Variants in ASCC1 observed in about 807,000 individuals in gnomAD.
ASCC1 encodes ASC-1 complex subunit P50.
ASCC1 carries 35 observed loss-of-function variants against 46.6 expected under a neutral mutation model. The ratio of observed to expected loss-of-function variants is 0.75; its 90% confidence interval spans 0.57 to 0.99. The LOEUF is 0.99. Ranked by LOEUF, ASCC1 falls within the 50% of genes least tolerant of loss-of-function variation. ASCC1 has a pLI of 0.00. For missense variants in ASCC1, 376 were observed against 428.7 expected, an observed-to-expected ratio of 0.88 and a Z score of 1.09; for synonymous variants, 143 against 146.6, an observed-to-expected ratio of 0.98 and a Z score of 0.18.
intron 9 of ASCC1, among the ~76,000 whole-genome samples, chr10:72,117,819 A>T (rs1843671615): frequency 1.3e-5 from 2 of 152,234 alleles, no homozygotes; most frequent in Admixed American, 1.3e-4. Context: ...AAAAGCCTGG[A>T]GAAGAAGTGA....
chr10:72,177,831 G>A (rs1852045744), intron 5 of ASCC1, among the ~76,000 whole-genome samples: 1 of 152,180 alleles, frequency 6.6e-6, no homozygotes, highest in African/African-American at 2.4e-5. Context: ...ATAAGGTGCA[G>A]CTTATCTGCA....
intron 6 of ASCC1, among the ~76,000 whole-genome samples, chr10:72,155,155 A>C (rs1848808349): frequency 1.3e-5 from 2 of 152,340 alleles, no homozygotes; most frequent in South Asian, 4.1e-4. Flanking sequence ...AGAAAGTGGT[A>C]CACTGGTTGC....
intron 6 of ASCC1, among the ~76,000 whole-genome samples, chr10:72,156,777 A>G (rs1398663327): frequency 2.0e-5 from 3 of 151,874 alleles, no homozygotes; most frequent in African/African-American, 4.8e-5. Flanking sequence ...ATCTCAAAAA[A>G]AAAAAAAAGA....
chr10:72,176,606 A>G (rs1256405387), intron 5 of ASCC1, among the ~76,000 whole-genome samples: 1 of 152,084 alleles, frequency 6.6e-6, no homozygotes, highest in Non-Finnish European at 1.5e-5. Flanking sequence ...CAGCCTCCCA[A>G]AGTGTTAAGA....
chr10:72,181,383 G>C (rs1048250832), intron 5 of ASCC1, among the ~76,000 whole-genome samples: 1 of 152,104 alleles, frequency 6.6e-6, no homozygotes, highest in Non-Finnish European at 1.5e-5. Flanking sequence ...TAACAGACAA[G>C]TTACATTCAG....
chr10:72,199,481 A>T (rs1856172322), intron 4 of ASCC1, among the ~76,000 whole-genome samples: 1 of 151,970 alleles, frequency 6.6e-6, no homozygotes, highest in Non-Finnish European at 1.5e-5. Flanking sequence ...TATTTTCAGC[A>T]GAGACAGGGT....
rs572978249 is a variant in ASCC1, at chr10:72,145,501, GTTTAACATCAATTCCTTAGACAGGCT to G, written c.746+7342_746+7367del. 6.4e-3 allele frequency among the ~76,000 whole-genome samples: 978 copies of G among 152,270 alleles called. 11 individuals carry two copies. Among genetic ancestry groups the G allele is most frequent in the South Asian group, 0.02 (96 of 4,824 alleles). On this transcript the variant is annotated intron_variant, in intron 7 of 9. Transcript: ENST00000672957. ...CAAACTCCAACTCTTTTAGATCTCAGTTTAACATCAATTCCTTAGACAGGCTTTTAACATCAATTCCTTAGAGAAGC... is the reference window on the plus strand; with the variant it reads ...CAAACTCCAACTCTTTTAGATCTCAGTTTAACATCAATTCCTTAGAGAAGC...
chr10:72,169,920 G>GTTTC (rs987167138), intron 5 of ASCC1, among the ~76,000 whole-genome samples: 3 of 152,152 alleles, frequency 2.0e-5, no homozygotes, highest in Non-Finnish European at 2.9e-5. Flanking sequence ...AGGAGTTCGA[G>GTTTC]ACCAGCCTGG....
intron 7 of ASCC1, among the ~76,000 whole-genome samples, chr10:72,145,166 A>G (rs1389390083): frequency 1.3e-5 from 2 of 152,176 alleles, no homozygotes; most frequent in South Asian, 2.1e-4. Context: ...ATAATTGTCA[A>G]TCCTCCATAG....
intron 5 of ASCC1, among the ~76,000 whole-genome samples, chr10:72,191,711 A>G (rs1473844657): frequency 6.6e-6 from 1 of 151,978 alleles, no homozygotes; most frequent in East Asian, 1.9e-4. Flanking sequence ...CAATGGCGTG[A>G]TCTCGGCTCA....
intron 5 of ASCC1, among the ~76,000 whole-genome samples, chr10:72,163,958 CTTTAT>C (rs1850021902): frequency 6.6e-6 from 1 of 151,862 alleles, no homozygotes; most frequent in Non-Finnish European, 1.5e-5. Context: ...TATTTATTTA[CTTTAT>C]ATTTATTTTT....
chr10:72,186,774 TC>T (rs1247341863), intron 5 of ASCC1, among the ~76,000 whole-genome samples: 3 of 152,026 alleles, frequency 2.0e-5, no homozygotes, highest in Non-Finnish European at 4.4e-5. Context: ...ATACGCAGTC[TC>T]CCTGAAAGCA....
chr10:72,177,792 C>A (rs1852036726), intron 5 of ASCC1, among the ~76,000 whole-genome samples: 2 of 152,304 alleles, frequency 1.3e-5, no homozygotes, highest in East Asian at 1.9e-4. Flanking sequence ...ATCTTTGAAT[C>A]TTAATGCAAG....
intron 6 of ASCC1, among the ~76,000 whole-genome samples, chr10:72,155,464 C>T (rs994192706): frequency 3.3e-5 from 5 of 152,068 alleles, no homozygotes; most frequent in South Asian, 2.1e-4. Context: ...CAATGTTCCA[C>T]GTCTTGATTT....
At chr10:72,191,867 C>T (rs934822589) in intron 5 of ASCC1, among the ~76,000 whole-genome samples, 1 of 151,608 alleles carries the variant, frequency 6.6e-6, no homozygotes, top group African/African-American at 2.4e-5. Context: ...AGGCTGGTCT[C>T]GAACTCCTGA....
chr10:72,114,602 T>A (rs2132058289), intron 9 of ASCC1, among the ~76,000 whole-genome samples: 1 of 136,438 alleles, frequency 7.3e-6, no homozygotes, highest in South Asian at 2.3e-4. Context: ...CCAGCCTGGG[T>A]GACAGAGTGA....
chr10:72,172,870 TTA>T (rs1851371342), intron 5 of ASCC1, among the ~76,000 whole-genome samples: 1 of 126,142 alleles, frequency 7.9e-6, no homozygotes, highest in Non-Finnish European at 1.7e-5. Flanking sequence ...ATTATATATA[TTA>T]TATATTATAT....
chr10:72,195,028 C>G (rs1855151369), intron 5 of ASCC1, among the ~76,000 whole-genome samples: 1 of 152,006 alleles, frequency 6.6e-6, no homozygotes, highest in Non-Finnish European at 1.5e-5. Context: ...AGGTGTGAGC[C>G]ACCATGCCCG....
chr10:72,153,401 T>C (rs1263427650), intron 6 of ASCC1, among the ~76,000 whole-genome samples: 2 of 151,988 alleles, frequency 1.3e-5, no homozygotes, highest in Non-Finnish European at 2.9e-5. Flanking sequence ...TAAACTGATA[T>C]CACATCTTTA....
Sources: gnomAD v4.1 joint callset for allele counts (sites outside exome capture counted in the v4.1 genomes callset) on GRCh38, gnomAD v4.1.1 for gene constraint, MANE v1.5 for transcripts, NCBI Gene and HGNC (gene_info 2026-07-23, HGNC 2026-07-21) for gene names.